UVRAG: variants seen among roughly 807,000 people sequenced by gnomAD.
UVRAG encodes UV radiation resistance-associated gene protein.
Under a neutral mutation model 78.0 loss-of-function variants are expected in UVRAG, and 19 were observed. The observed-to-expected ratio is 0.24, with a 90% CI of 0.17 to 0.36. UVRAG has a LOEUF of 0.36. UVRAG is among the 10% of genes least tolerant of loss of function. The pLI, the probability that UVRAG is intolerant of heterozygous loss-of-function variation, is 1.00. For synonymous variants in UVRAG, 323 were observed against 324.6 expected (o/e 1.00, Z 0.05); for missense variants, 740 against 853.8 (o/e 0.87, Z 1.66).
intron 13 of UVRAG, among the ~76,000 whole-genome samples, chr11:76,084,529 A>G (rs1951550423): frequency 6.6e-6 from 1 of 152,106 alleles, no homozygotes; most frequent in Non-Finnish European, 1.5e-5. Context: ...TTGTTAATAT[A>G]TTTTATATAC....
chr11:76,053,162 T>G (rs1240893996), intron 12 of UVRAG, among the ~76,000 whole-genome samples: 3 of 151,512 alleles, frequency 2.0e-5, no homozygotes, highest in Non-Finnish European at 4.4e-5. Flanking sequence ...AAAAATTAGC[T>G]GGGTATGGTG....
At chr11:76,061,291 G>T (rs1354181543) in intron 12 of UVRAG, among the ~76,000 whole-genome samples, 1 of 152,100 alleles carries the variant, frequency 6.6e-6, no homozygotes, top group Non-Finnish European at 1.5e-5. Flanking sequence ...GATTGTAAAC[G>T]CGCCAATCAG....
chr11:76,036,059 G>A (rs576697468), intron 12 of UVRAG, among the ~76,000 whole-genome samples: 9 of 152,272 alleles, frequency 5.9e-5, no homozygotes, highest in Non-Finnish European at 1.2e-4. Flanking sequence ...GTAAAGGCTC[G>A]ATAATTGACT....
intron 12 of UVRAG, among the ~76,000 whole-genome samples, chr11:76,018,087 CAAA>C (rs1274938198): frequency 6.6e-6 from 1 of 152,028 alleles, no homozygotes; most frequent in Admixed American, 6.6e-5. Flanking sequence ...GGTTCTAACA[CAAA>C]AAGTAAAAAG....
At chr11:75,815,875 G>T (rs1362653923) in intron 1 of UVRAG, among the ~76,000 whole-genome samples, 1 of 152,206 alleles carries the variant, frequency 6.6e-6, no homozygotes, top group Non-Finnish European at 1.5e-5. Flanking sequence ...GCCCAGGAAG[G>T]GACCCGGGGA....
intron 6 of UVRAG, among the ~76,000 whole-genome samples, chr11:75,957,684 T>G (rs1948828060): frequency 6.6e-6 from 1 of 152,232 alleles, no homozygotes; most frequent in Non-Finnish European, 1.5e-5. Flanking sequence ...TATTTTTTAC[T>G]TACTAGTTCT....
chr11:75,884,240 T>TTCTCTCTCTCTCTC (rs767650431), intron 4 of UVRAG, among the ~76,000 whole-genome samples: 107 of 132,516 alleles, frequency 8.1e-4, no homozygotes, highest in Middle Eastern at 3.6e-3. Flanking sequence ...CTCTCTCTCT[T>TTCTCTCTCTCTCTC]TCTCTCTCTC....
chr11:75,962,692 A>G (rs1036663306), intron 7 of UVRAG, among the ~76,000 whole-genome samples: 1 of 152,136 alleles, frequency 6.6e-6, no homozygotes, highest in Non-Finnish European at 1.5e-5. Flanking sequence ...GACTATAAAT[A>G]TATTGAAGGG....
chr11:75,931,439 C>T (rs865865626), intron 6 of UVRAG, among the ~76,000 whole-genome samples: 1 of 152,136 alleles, frequency 6.6e-6, no homozygotes, highest in South Asian at 2.1e-4. Context: ...GGGAAACTTC[C>T]TGGAGAAAGT....
intron 1 of UVRAG, among the ~76,000 whole-genome samples, chr11:75,828,537 C>T (rs908980151): frequency 4.0e-5 from 6 of 150,724 alleles, no homozygotes; most frequent in South Asian, 2.1e-4. Flanking sequence ...AATGCAGTGG[C>T]GCAATCATGG....
chr11:75,999,094 A>G (rs570457730), intron 8 of UVRAG, among the ~76,000 whole-genome samples: 11 of 151,990 alleles, frequency 7.2e-5, no homozygotes, highest in African/African-American at 2.2e-4. Flanking sequence ...TTAGCCAGAC[A>G]TGGTGGCGGG....
chr11:76,084,634 A>G (rs1042634406), intron 13 of UVRAG, among the ~76,000 whole-genome samples: 3 of 152,146 alleles, frequency 2.0e-5, no homozygotes, highest in Non-Finnish European at 2.9e-5. Flanking sequence ...CAGAATATAT[A>G]TAGTGTTTTG....
chr11:75,931,205 T>G (rs1948233926), intron 6 of UVRAG, among the ~76,000 whole-genome samples: 1 of 152,066 alleles, frequency 6.6e-6, no homozygotes, highest in Non-Finnish European at 1.5e-5. Flanking sequence ...ATCATTCATG[T>G]GTTGTTTTCA....
intron 7 of UVRAG, among the ~76,000 whole-genome samples, chr11:75,965,916 CA>C (rs199962513): frequency 6.6e-6 from 1 of 151,104 alleles, no homozygotes; most frequent in African/African-American, 2.4e-5. Flanking sequence ...CAATGTTGGA[CA>C]AAAAAAATAG....
chr11:76,052,280 C>G (rs930363274), intron 12 of UVRAG, among the ~76,000 whole-genome samples: 1 of 152,206 alleles, frequency 6.6e-6, no homozygotes, highest in South Asian at 2.1e-4. Flanking sequence ...TGGTCATTTT[C>G]CTTCATCCCC....
chr11:76,078,394 A>G (rs1185544827), intron 13 of UVRAG, among the ~76,000 whole-genome samples: 1 of 152,086 alleles, frequency 6.6e-6, no homozygotes, highest in Admixed American at 6.6e-5. Flanking sequence ...ATAGACCCAT[A>G]TCATAATTCT....
intron 2 of UVRAG, among the ~76,000 whole-genome samples, chr11:75,860,913 G>A (rs1434627056): frequency 6.6e-6 from 1 of 151,874 alleles, no homozygotes; most frequent in Non-Finnish European, 1.5e-5. Context: ...AGCCTCCCAA[G>A]TAGCAGGGAT....
At chr11:75,845,333 A>G (rs1244701528) in intron 1 of UVRAG, among the ~76,000 whole-genome samples, 3 of 152,260 alleles carry the variant, frequency 2.0e-5, no homozygotes, top group Admixed American at 6.5e-5. Context: ...AGAGCATTTT[A>G]TAACTGTGAA....
intron 13 of UVRAG, among the ~76,000 whole-genome samples, chr11:76,078,642 A>C (rs1408562559): frequency 6.6e-6 from 1 of 150,876 alleles, no homozygotes; most frequent in South Asian, 2.1e-4. Flanking sequence ...GGTGGCTCAC[A>C]CCTGTAATCC....
Sources: gnomAD v4.1 joint callset for allele counts (sites outside exome capture counted in the v4.1 genomes callset) on GRCh38, gnomAD v4.1.1 for gene constraint, MANE v1.5 for transcripts, NCBI Gene and HGNC (gene_info 2026-07-23, HGNC 2026-07-21) for gene names.